TCF20: variants seen among roughly 807,000 people sequenced by gnomAD.
TCF20 encodes transcription factor 20.
In TCF20, 3 loss-of-function variants were observed where a neutral mutation model predicts 148.6. That is an observed-to-expected ratio of 0.02 (90% CI 0.01 to 0.05). TCF20 has a LOEUF of 0.05. TCF20 is among the 10% of genes least tolerant of loss of function. The pLI, the probability that TCF20 is intolerant of heterozygous loss-of-function variation, is 1.00. For missense variants in TCF20, 2,350 were observed against 2,429.3 expected (o/e 0.97, Z 0.69); for synonymous variants, 1,049 against 909.5 (o/e 1.15, Z -2.76).
At chr22:42,192,628 C>T (rs1371984846) in intron 2 of TCF20, among the ~76,000 whole-genome samples, 3 of 152,104 alleles carry the variant, frequency 2.0e-5, no homozygotes, top group Non-Finnish European at 4.4e-5. Context: ...GAAGCTAATG[C>T]CAATGAAACT....
intron 1 of TCF20, among the ~76,000 whole-genome samples, chr22:42,326,022 C>A (rs1190138254): frequency 6.6e-6 from 1 of 152,084 alleles, no homozygotes; most frequent in Non-Finnish European, 1.5e-5. Context: ...CCACCTAAGG[C>A]CCCCTTTCAA....
chr22:42,213,447 G>A lies in TCF20; in HGVS notation c.1859C>T (p.Pro620Leu). 2 of 1,614,162 alleles carry A rather than the reference G, an allele frequency of 1.2e-6. No individual in the cohort carries two copies. The highest frequency in any genetic ancestry group is 1.7e-6 in the Non-Finnish European group (2 of 1,180,024). Residue 620 changes from proline to leucine, a missense_variant, in exon 2 of 6, where the codon CCT becomes CTT. Around this residue, in one of 7 missense-constraint regions of TCF20, gnomAD observed 1,641 missense variants for 1,662.6 expected, o/e 0.99. Coordinates refer to ENST00000677622, the MANE Select transcript of TCF20 (RefSeq NM_001378418.1). ...TTGGGAGCCTTTATCTTGTCCACCA[G>A]GCTTTTCTACCCGACCTGTCATGGC... The part of the protein sequence containing the change: ...REAMTGRVEK[P>L]GGQDKGSQED...
rs1235614325 is a variant in TCF20 at position 42,290,469 on chromosome 22, C to T, written c.-37+53010G>A. On this transcript the variant is annotated intron_variant, in intron 1 of 1. Coordinates refer to the TCF20 transcript ENST00000515426. The surrounding 1 kb of genome is among the most constrained non-coding windows in gnomAD (Gnocchi z 4.2). ...GAGGCTGGGTCAGCTGTGGGTGTGA[C>T]CAGGCCATGGAGCGGGCAGGCTGGG... Among the ~76,000 whole-genome samples, 2 of 152,166 alleles carry T rather than the reference C, an allele frequency of 1.3e-5. No homozygotes were observed. The highest frequency in any genetic ancestry group is 2.1e-4 in the South Asian group (1 of 4,830).
At chr22:42,291,832 A>G (rs1331604164) in intron 1 of TCF20, among the ~76,000 whole-genome samples, 1 of 151,896 alleles carries the variant, frequency 6.6e-6, no homozygotes. Flanking sequence ...ATACACACAA[A>G]GGCAGCCCAG....
chr22:42,186,438 T>C (rs1937050637), intron 2 of TCF20, among the ~76,000 whole-genome samples: 1 of 152,230 alleles, frequency 6.6e-6, no homozygotes, highest in East Asian at 1.9e-4. Context: ...ACATAAAACA[T>C]ACATTCATCT....
intron 1 of TCF20, among the ~76,000 whole-genome samples, chr22:42,248,732 C>T (rs1046257171): frequency 6.6e-6 from 1 of 152,066 alleles, no homozygotes; most frequent in African/African-American, 2.4e-5. Context: ...TCCCAAAAGC[C>T]GAATTTTGGG....
chr22:42,222,280 A>G (rs1214441668), intron 1 of TCF20, among the ~76,000 whole-genome samples: 2 of 152,198 alleles, frequency 1.3e-5, no homozygotes, highest in Non-Finnish European at 2.9e-5. Context: ...CCAAGCAAGA[A>G]GCTTTAGAAT....
chr22:42,320,442 A>G (rs560317406), intron 1 of TCF20, among the ~76,000 whole-genome samples: 1 of 152,206 alleles, frequency 6.6e-6, no homozygotes, highest in South Asian at 2.1e-4. Context: ...TCCCTCCTTC[A>G]GGTCTCTGAC....
In TCF20 at chr22:42,213,312, C is replaced by A. The variant is rs775447558; in HGVS notation, c.1994G>T (p.Gly665Val). The change falls in exon 2 of 6, where the codon GGA (glycine) becomes GTA (valine). Residue 665 changes from glycine to valine, a missense_variant. By Grantham distance (109) the Gly-to-Val change is moderately radical (BLOSUM62 -3). This residue lies in a region of TCF20 where 1,641 missense variants were observed against 1,662.6 expected (regional missense o/e 0.99). Coordinates refer to ENST00000677622, the MANE Select transcript of TCF20 (RefSeq NM_001378418.1). ...PEPPGGGGSK[G>V]NKNGDNNSNH... is the part of the protein sequence containing the mutation. ...GGAGTTGTTATCGCCATTCTTGTTT[C>A]CTTTGCTCCCTCCTCCTCCTGGAGG... The A allele has an allele frequency of 2.3e-5, 37 of 1,614,068 alleles. No homozygotes were observed. In the South Asian group the frequency reaches 3.7e-4, roughly 16 times the overall value.
intron 3 of TCF20, among the ~76,000 whole-genome samples, chr22:42,170,965 C>T (rs542322379): frequency 6.6e-6 from 1 of 152,258 alleles, no homozygotes; most frequent in African/African-American, 2.4e-5. Context: ...CAGAAGCCTC[C>T]AACACAAATC....
At chr22:42,325,538 G>T (rs532801285) in intron 1 of TCF20, among the ~76,000 whole-genome samples, 1 of 152,342 alleles carries the variant, frequency 6.6e-6, no homozygotes, top group South Asian at 2.1e-4. Context: ...CACCAGCTCG[G>T]GGGGAGGGGA....
intron 1 of TCF20, among the ~76,000 whole-genome samples, chr22:42,319,877 C>A (rs1319455843): frequency 2.0e-5 from 3 of 152,228 alleles, no homozygotes; most frequent in South Asian, 2.1e-4. Flanking sequence ...GATCCCCTTA[C>A]CCCCACCTGC....
In TCF20 at chr22:42,292,406, A is replaced by G. The variant is rs1456668577; in HGVS notation, c.-37+51073T>C. Among the ~76,000 whole-genome samples, 1 of 152,182 alleles carries G rather than the reference A, an allele frequency of 6.6e-6. No individual in the cohort carries two copies. The highest frequency in any genetic ancestry group is 1.5e-5 in the Non-Finnish European group (1 of 68,026). On this transcript the variant is annotated intron_variant, in intron 1 of 1. Transcript: ENST00000515426. This position sits in a 1 kb window ranked among gnomAD's most constrained non-coding sequence, Gnocchi z 4.9. Reference sequence around the variant, plus strand: ...TCATCCTGCCCTGCAGTCCCCAAACATGGTTCTGTGCCCTGGACTCACTTG... The same window carrying G: ...TCATCCTGCCCTGCAGTCCCCAAACGTGGTTCTGTGCCCTGGACTCACTTG...
chr22:42,276,138 G>T (rs1926773930), intron 1 of TCF20, among the ~76,000 whole-genome samples: 1 of 152,236 alleles, frequency 6.6e-6, no homozygotes, highest in Non-Finnish European at 1.5e-5. Context: ...GCTGAGGCAT[G>T]CTGGGAAAAG....
At chr22:42,174,903 C>T (rs866643096) in intron 3 of TCF20, among the ~76,000 whole-genome samples, 84 of 152,026 alleles carry the variant, frequency 5.5e-4, no homozygotes, top group Middle Eastern at 3.4e-3. Flanking sequence ...GGCGTGGCGG[C>T]GGGCGCCTGT....
At chr22:42,225,150 C>A (rs1004508427) in intron 1 of TCF20, among the ~76,000 whole-genome samples, 1 of 151,906 alleles carries the variant, frequency 6.6e-6, no homozygotes, top group Non-Finnish European at 1.5e-5. Context: ...TGCCTGCCAC[C>A]ACGTCCGGCT....
chr22:42,222,545 C>T (rs966633361), intron 1 of TCF20, among the ~76,000 whole-genome samples: 1 of 152,022 alleles, frequency 6.6e-6, no homozygotes, highest in African/African-American at 2.4e-5. Flanking sequence ...TCTGCTTCTC[C>T]CCACCCTCTC....
chr22:42,235,025 C>T (rs1923752578), intron 1 of TCF20, among the ~76,000 whole-genome samples: 1 of 151,916 alleles, frequency 6.6e-6, no homozygotes, highest in Admixed American at 6.6e-5. Flanking sequence ...GCCTGTAGTC[C>T]CACATACTCG....
At chr22:42,313,616 T>TC (rs1278238662) in intron 1 of TCF20, among the ~76,000 whole-genome samples, 1 of 150,886 alleles carries the variant, frequency 6.6e-6, no homozygotes, top group East Asian at 1.9e-4. Flanking sequence ...TTTTTTTTTT[T>TC]TGAGACAGAG....
Sources: gnomAD v4.1 joint callset for allele counts (sites outside exome capture counted in the v4.1 genomes callset) on GRCh38, gnomAD v4.1.1 for gene constraint, gnomAD v4.1.1 regional missense constraint, Gnocchi (gnomAD v3.1) non-coding constraint, MANE v1.5 for transcripts, NCBI Gene and HGNC (gene_info 2026-07-23, HGNC 2026-07-21) for gene names.